NPAS3: variants seen among roughly 807,000 people sequenced by gnomAD.
NPAS3 encodes neuronal PAS domain protein 3.
In NPAS3, 14 loss-of-function variants were observed where a neutral mutation model predicts 73.1. The observed-to-expected ratio is 0.19, with a 90% confidence interval of 0.13 to 0.30. The LOEUF is 0.30. Among genes scored for constraint, NPAS3 ranks in the 10% least tolerant of loss-of-function variants. The pLI is 1.00. For missense variants in NPAS3, 1,096 were observed against 1,250.0 expected, an observed-to-expected ratio of 0.88 and a Z score of 1.86; for synonymous variants, 620 against 541.5, an observed-to-expected ratio of 1.14 and a Z score of -2.01.
intron 3 of NPAS3, among the ~76,000 whole-genome samples, chr14:33,258,592 C>G (rs528661854): frequency 6.6e-6 from 1 of 152,108 alleles, no homozygotes; most frequent in Non-Finnish European, 1.5e-5. Flanking sequence ...TTAGAATTGT[C>G]CATACATTGA....
rs1036800285 is a variant in NPAS3, at chr14:33,326,179, G to A, written c.386-41007G>A. Among the ~76,000 whole-genome samples, 6 of 152,100 alleles carry A rather than the reference G, an allele frequency of 3.9e-5. No individual in the cohort carries two copies. The South Asian group carries it at 6.2e-4, about 16-fold the overall frequency. The stretch of plus-strand genomic sequence containing the variant: ...AAGAGAGAGTGAGAAACAATGAGCC[G>A]CAGTGCAGGACAGAGACAGGGCTCA... On this transcript the variant is annotated intron_variant, in intron 3 of 11. Coordinates refer to ENST00000356141, the Ensembl canonical transcript of NPAS3.
intron 5 of NPAS3, among the ~76,000 whole-genome samples, chr14:33,591,157 C>T (rs2139942877): frequency 6.6e-6 from 1 of 152,272 alleles, no homozygotes; most frequent in South Asian, 2.1e-4. Context: ...TTCACTTCTC[C>T]CTTTGTTTTA....
intron 7 of NPAS3, among the ~76,000 whole-genome samples, chr14:33,757,632 T>C (rs879589710): frequency 1.3e-5 from 2 of 152,222 alleles, no homozygotes; most frequent in Non-Finnish European, 2.9e-5. Context: ...TGATGGCACT[T>C]GGAATGGATA....
chr14:33,237,867 T>C (rs1367269985), intron 3 of NPAS3, among the ~76,000 whole-genome samples: 2 of 151,730 alleles, frequency 1.3e-5, no homozygotes, highest in East Asian at 1.9e-4. Flanking sequence ...TTTTTGCATA[T>C]GCTATAATTA....
intron 4 of NPAS3, among the ~76,000 whole-genome samples, chr14:33,520,378 G>T (rs376970928): frequency 6.6e-6 from 1 of 151,930 alleles, no homozygotes; most frequent in Non-Finnish European, 1.5e-5. Flanking sequence ...GTCTGAGTTT[G>T]GTTGTTTTGT....
At chr14:33,412,022 A>C (rs1476909043) in intron 4 of NPAS3, among the ~76,000 whole-genome samples, 2 of 152,180 alleles carry the variant, frequency 1.3e-5, no homozygotes, top group Non-Finnish European at 2.9e-5. Context: ...GCACCCTAAC[A>C]CTTTGACTAT....
intron 5 of NPAS3, among the ~76,000 whole-genome samples, chr14:33,670,510 T>A (rs559441635): frequency 6.6e-6 from 1 of 152,258 alleles, no homozygotes; most frequent in Non-Finnish European, 1.5e-5. Flanking sequence ...GTTATGAAGA[T>A]GGCATTAAGA....
At chr14:33,563,077 G>T (rs7147983) in intron 5 of NPAS3, among the ~76,000 whole-genome samples, 4 of 152,008 alleles carry the variant, frequency 2.6e-5, no homozygotes, top group Admixed American at 1.3e-4. Flanking sequence ...GTGTAACTCT[G>T]TCATCAAAGA....
At chr14:33,765,390 C>G (rs1040121070) in intron 7 of NPAS3, among the ~76,000 whole-genome samples, 1 of 151,664 alleles carries the variant, frequency 6.6e-6, no homozygotes, top group Non-Finnish European at 1.5e-5. Context: ...TCAGAATCCC[C>G]GGAATTAATC....
At chr14:33,243,485 G>A (rs1056047455) in intron 3 of NPAS3, among the ~76,000 whole-genome samples, 7 of 152,048 alleles carry the variant, frequency 4.6e-5, no homozygotes, top group Non-Finnish European at 1.0e-4. Context: ...TAAGTCTATG[G>A]TGGGGTCCAA....
At chr14:33,325,607 C>T (rs2043664402) in intron 3 of NPAS3, among the ~76,000 whole-genome samples, 1 of 148,906 alleles carries the variant, frequency 6.7e-6, no homozygotes, top group Non-Finnish European at 1.5e-5. Context: ...AGATCGTGCC[C>T]TCAGCCTGGG....
chr14:33,543,965 A>ATC (rs2054642273), intron 4 of NPAS3, among the ~76,000 whole-genome samples: 1 of 28,068 alleles, frequency 3.6e-5, no homozygotes, highest in Non-Finnish European at 5.7e-5. Context: ...ATATATATAT[A>ATC]TATATATATA....
chr14:33,578,197 T>A (rs190523630), intron 5 of NPAS3: 1 of 456,054 alleles, frequency 2.2e-6, no homozygotes, highest in African/African-American at 2.0e-5. Flanking sequence ...ACCTTTGTTT[T>A]TTTTTCCCTC....
At chr14:33,066,193 C>G (rs1595367227) in intron 2 of NPAS3, among the ~76,000 whole-genome samples, 2 of 152,218 alleles carry the variant, frequency 1.3e-5, no homozygotes, top group East Asian at 1.9e-4. Context: ...AGAAATTCAT[C>G]AGGTGTTCTA....
chr14:33,331,542 C>T (rs2043985717), intron 3 of NPAS3, among the ~76,000 whole-genome samples: 1 of 150,482 alleles, frequency 6.6e-6, no homozygotes, highest in African/African-American at 2.4e-5. Flanking sequence ...TGTTTATCTC[C>T]CCCCACCGCT....
chr14:33,727,781 G>A (rs1002910093), intron 6 of NPAS3, among the ~76,000 whole-genome samples: 3 of 152,076 alleles, frequency 2.0e-5, no homozygotes, highest in Admixed American at 6.5e-5. Flanking sequence ...TATTGGCAAC[G>A]GAATCCACGC....
At chr14:33,702,849 G>A (rs186688772) in intron 6 of NPAS3, among the ~76,000 whole-genome samples, 44 of 152,276 alleles carry the variant, frequency 2.9e-4, no homozygotes, top group Non-Finnish European at 4.6e-4. Context: ...CTGGGGGTGC[G>A]AGTTGATGTA....
At chr14:33,507,469 A>G (rs2052820739) in intron 4 of NPAS3, among the ~76,000 whole-genome samples, 1 of 151,956 alleles carries the variant, frequency 6.6e-6, no homozygotes, top group African/African-American at 2.4e-5. Context: ...TTTGATCCTG[A>G]AGATGTTTGC....
intron 1 of NPAS3, among the ~76,000 whole-genome samples, chr14:33,010,233 A>G (rs1234647914): frequency 6.6e-6 from 1 of 152,244 alleles, no homozygotes. Context: ...CTCTCTGTTT[A>G]CATCCAGGGT....
Sources: allele counts gnomAD v4.1 joint callset (sites outside exome capture counted in the v4.1 genomes callset), GRCh38; gene constraint gnomAD v4.1.1; transcripts MANE v1.5; gene names NCBI Gene and HGNC (gene_info 2026-07-23, HGNC 2026-07-21).